Variants in HS6ST1 observed in about 807,000 individuals in gnomAD.
HS6ST1 encodes the protein heparan sulfate 6-O-sulfotransferase 1, also known as heparan-sulfate 6-O-sulfotransferase 1.
Under a neutral mutation model 25.2 loss-of-function variants are expected in HS6ST1, and 3 were observed. The observed-to-expected ratio is 0.12, with a 90% CI of 0.05 to 0.31. The LOEUF is 0.31. HS6ST1 is among the 10% of genes least tolerant of loss of function. The pLI, the probability that HS6ST1 is intolerant of heterozygous loss-of-function variation, is 1.00. For synonymous variants in HS6ST1, 204 were observed against 275.1 expected (o/e 0.74, Z 2.56); for missense variants, 310 against 609.6 (o/e 0.51, Z 5.18).
chr2:128,318,384 G>C lies in HS6ST1; in HGVS notation c.180C>G (p.Pro60=), dbSNP rs779973756. The C allele has an allele frequency of 1.0e-5, 16 of 1,607,832 alleles. No homozygotes were observed. Among genetic ancestry groups the C allele is most frequent in the African/African-American group, 2.7e-5 (2 of 74,450 alleles). The change falls in exon 1 of 2, where the codon CCC becomes CCG. Residue 60 remains proline, a synonymous_variant. Transcript: ENST00000259241. The surrounding 1 kb of genome is among the most constrained non-coding windows in gnomAD (Gnocchi z 5.7). ...PPDDLDLFPT[P]DPHYEKKYYF... ...AGTACTTCTTCTCGTAGTGGGGGTCGGGTGTGGGGAACAGGTCCAGGTCGT... is the reference window on the plus strand; with the variant it reads ...AGTACTTCTTCTCGTAGTGGGGGTCCGGTGTGGGGAACAGGTCCAGGTCGT...
chr2:128,272,374 G>A (rs1226227483), intron 1 of HS6ST1, among the ~76,000 whole-genome samples: 2 of 152,208 alleles, frequency 1.3e-5, no homozygotes, highest in Admixed American at 6.5e-5. Flanking sequence ...AAAGATAAGC[G>A]GTTGCCAGTG....
Position 128,271,246 on chromosome 2 carries a change from T to C in HS6ST1, c.528-2376A>G, listed in dbSNP as rs1049942968. On this transcript the variant is annotated intron_variant, in intron 1 of 1. Transcript: ENST00000259241. Reference sequence around the variant, plus strand: ...GGCTTGGCACCCTGCAGATGGGGTCTCCCATGGTGTAGCCTGTGCCTGTGT... The same window carrying C: ...GGCTTGGCACCCTGCAGATGGGGTCCCCCATGGTGTAGCCTGTGCCTGTGT... 3.5e-4 allele frequency among the ~76,000 whole-genome samples: 54 copies of C among 152,346 alleles called. 1 individual carries two copies. The highest frequency in any genetic ancestry group is 1.2e-3 in the African/African-American group (51 of 41,582).
Position 128,268,312 on chromosome 2 carries a change from C to T in HS6ST1, c.1086G>A (p.Lys362=), listed in dbSNP as rs1430555411. Residue 362 remains lysine, a synonymous_variant, in exon 2 of 2, where the codon AAG becomes AAA. Coordinates refer to ENST00000259241, the MANE Select transcript of HS6ST1 (RefSeq NM_004807.3). ...KDLFQQRYQY[K]RQLERREQRL... Reference sequence around the variant, plus strand: ...GCTGCTCCCTGCGCTCCAGCTGCCGCTTGTACTGGTAGCGCTGCTGGAAGA... The same window carrying T: ...GCTGCTCCCTGCGCTCCAGCTGCCGTTTGTACTGGTAGCGCTGCTGGAAGA... 1.9e-6 allele frequency: 3 copies of T among 1,613,310 alleles called. No homozygotes were observed. In the African/African-American group the frequency reaches 4.0e-5, roughly 22 times the overall value.
intron 1 of HS6ST1, among the ~76,000 whole-genome samples, chr2:128,273,462 T>C (rs879497468): frequency 6.6e-5 from 10 of 152,190 alleles, no homozygotes; most frequent in Non-Finnish European, 1.2e-4. Context: ...TTGGCCACCG[T>C]CCAGTTCCTA....
chr2:128,311,890 T>G (rs1246888198), intron 1 of HS6ST1, among the ~76,000 whole-genome samples: 1 of 151,826 alleles, frequency 6.6e-6, no homozygotes, highest in African/African-American at 2.4e-5. Context: ...ATGGGGGAGG[T>G]GGCAGAAGGG....
intron 1 of HS6ST1, among the ~76,000 whole-genome samples, chr2:128,279,131 C>G (rs534954921): frequency 1.2e-5 from 1 of 80,448 alleles, no homozygotes; most frequent in South Asian, 2.9e-4. Flanking sequence ...CCAGGGTGAG[C>G]CCTGTTCCTC....
intron 1 of HS6ST1, among the ~76,000 whole-genome samples, chr2:128,291,736 G>C (rs1046239881): frequency 3.3e-5 from 5 of 152,204 alleles, no homozygotes; most frequent in African/African-American, 7.2e-5. Context: ...TCCATCACTT[G>C]GCCCCTCCTC....
chr2:128,304,950 A>G (rs1045357194), intron 1 of HS6ST1, among the ~76,000 whole-genome samples: 9 of 152,154 alleles, frequency 5.9e-5, no homozygotes, highest in African/African-American at 2.2e-4. Context: ...CCCATGGAAC[A>G]TGGTCCCCAG....
At chr2:128,295,778 CA>C (rs1304697283) in intron 1 of HS6ST1, among the ~76,000 whole-genome samples, 1 of 152,184 alleles carries the variant, frequency 6.6e-6, no homozygotes, top group Non-Finnish European at 1.5e-5. Context: ...ATGATCATCT[CA>C]ACTGATGCAG....
At chr2:128,315,943 T>TGG (rs1427284562) in intron 1 of HS6ST1, among the ~76,000 whole-genome samples, 2 of 152,012 alleles carry the variant, frequency 1.3e-5, no homozygotes, top group African/African-American at 4.8e-5. Flanking sequence ...ACTTCCAGAG[T>TGG]GGGTGGCAGA....
chr2:128,308,317 GA>G (rs1455753599), intron 1 of HS6ST1, among the ~76,000 whole-genome samples: 1 of 152,222 alleles, frequency 6.6e-6, no homozygotes, highest in African/African-American at 2.4e-5. Context: ...CACCCCTGGA[GA>G]TACCATGTAG....
At chr2:128,294,826 G>A (rs1247429075) in intron 1 of HS6ST1, among the ~76,000 whole-genome samples, 3 of 152,148 alleles carry the variant, frequency 2.0e-5, no homozygotes, top group East Asian at 1.9e-4. Flanking sequence ...GGCAGGCCCT[G>A]GAGCCTCCTG....
intron 1 of HS6ST1, among the ~76,000 whole-genome samples, chr2:128,306,961 G>A (rs746534163): frequency 5.8e-4 from 88 of 152,120 alleles, no homozygotes; most frequent in African/African-American, 2.0e-3. Flanking sequence ...CTCTTTGGCC[G>A]GGCTTGGGGG....
intron 1 of HS6ST1, among the ~76,000 whole-genome samples, chr2:128,308,213 G>A (rs1573709036): frequency 1.3e-5 from 2 of 152,220 alleles, no homozygotes; most frequent in African/African-American, 4.8e-5. Flanking sequence ...CAGGGGTGGG[G>A]TGGAGCACAG....
At chr2:128,311,049 C>G (rs1694283540) in intron 1 of HS6ST1, among the ~76,000 whole-genome samples, 1 of 152,148 alleles carries the variant, frequency 6.6e-6, no homozygotes, top group African/African-American at 2.4e-5. Flanking sequence ...GGCTTTTCCA[C>G]TCCCTCAGGG....
intron 1 of HS6ST1, among the ~76,000 whole-genome samples, chr2:128,311,645 G>C (rs1384343788): frequency 6.6e-6 from 1 of 152,252 alleles, no homozygotes; most frequent in African/African-American, 2.4e-5. Flanking sequence ...ACATGGGATG[G>C]TGATGGCACC....
Position 128,317,631 on chromosome 2 carries a change from G to A in HS6ST1, c.527+406C>T, listed in dbSNP as rs191141668. Among the ~76,000 whole-genome samples, 1,226 of 152,332 alleles carry A rather than the reference G, an allele frequency of 8.0e-3. 11 individuals carry two copies. Among genetic ancestry groups the A allele is most frequent in the Admixed American group, 0.012 (186 of 15,306 alleles). ...CTTTTGGGACCACAGCACCGAAGCG[G>A]CACGGGGAAGCCAACACTCCAGGTA... On this transcript the variant is annotated intron_variant, in intron 1 of 1. Coordinates refer to ENST00000259241, the MANE Select transcript of HS6ST1 (RefSeq NM_004807.3).
chr2:128,313,976 G>A (rs1694327648), intron 1 of HS6ST1, among the ~76,000 whole-genome samples: 1 of 150,996 alleles, frequency 6.6e-6, no homozygotes, highest in African/African-American at 2.4e-5. Context: ...TCTATTTTTA[G>A]TGAAAATCTA....
chr2:128,302,989 C>A (rs1301930485), intron 1 of HS6ST1, among the ~76,000 whole-genome samples: 1 of 152,238 alleles, frequency 6.6e-6, no homozygotes, highest in Non-Finnish European at 1.5e-5. Context: ...TCACCCCTCC[C>A]TGTGTGTTCC....
Sources: gnomAD v4.1 joint callset for allele counts (sites outside exome capture counted in the v4.1 genomes callset) on GRCh38, gnomAD v4.1.1 for gene constraint, Gnocchi (gnomAD v3.1) non-coding constraint, MANE v1.5 for transcripts, NCBI Gene and HGNC (gene_info 2026-07-23, HGNC 2026-07-21) for gene names.